The following CHD4 variants were observed in gnomAD, a reference collection of about 807,000 sequenced individuals.
CHD4 encodes ATP-dependent chromatin remodeler CHD4.
In CHD4, 35 loss-of-function variants were observed where a neutral mutation model predicts 235.5. The observed-to-expected ratio is 0.15, with a 90% CI of 0.11 to 0.20. The LOEUF (loss-of-function observed/expected upper bound fraction) is 0.20, where lower values mean the gene tolerates loss of function less well. Among genes scored for constraint, CHD4 ranks in the 10% least tolerant of loss-of-function variants. The pLI is 1.00. For missense variants in CHD4, 1,329 were observed against 2,432.3 expected (o/e 0.55, Z 9.54); for synonymous variants, 900 against 850.2 (o/e 1.06, Z -1.02).
At chr12:6,585,006 C>T (rs908007649) in intron 25 of CHD4, among the ~76,000 whole-genome samples, 4 of 152,098 alleles carry the variant, frequency 2.6e-5, no homozygotes, top group African/African-American at 9.7e-5. Context: ...AACAAAATCA[C>T]AGGTAAGCAT....
chr12:6,581,931 T>A (rs1948200356), intron 30 of CHD4, 117 bp from the exon 31 acceptor site: 7 of 1,297,636 alleles, frequency 5.4e-6, no homozygotes, highest in Non-Finnish European at 7.3e-6. Context: ...GCCTTCTGAG[T>A]AGCTGGGAAT....
At chr12:6,596,527 C>T (rs772169095) in intron 12 of CHD4, among the ~76,000 whole-genome samples, 109 of 152,072 alleles carry the variant, frequency 7.2e-4, no homozygotes, top group Non-Finnish European at 1.4e-3. Flanking sequence ...AGGCCGGGCG[C>T]GGTGGCTCAC....
intron 38 of CHD4, among the ~76,000 whole-genome samples, chr12:6,572,427 GAAAA>G (rs553252360): frequency 1.0e-5 from 1 of 97,612 alleles, no homozygotes. Context: ...CTCTATCTCA[GAAAA>G]AAAAAAAAAA....
intron 35 of CHD4, 37 bp downstream of exon 35, chr12:6,578,372 G>A (rs1948109166): frequency 6.2e-7 from 1 of 1,600,356 alleles, no homozygotes; most frequent in East Asian, 2.2e-5. Flanking sequence ...TTTCACATCA[G>A]ATCCTTCTAA....
intron 33 of CHD4, chr12:6,580,260 T>A (rs1293937928): frequency 6.7e-6 from 1 of 150,148 alleles, no homozygotes; most frequent in Non-Finnish European, 1.5e-5. Flanking sequence ...CAACAACAAA[T>A]AAAGTCATAA....
intron 32 of CHD4, 41 bp downstream of exon 32, chr12:6,581,250 C>A: frequency 1.2e-6 from 2 of 1,613,520 alleles, no homozygotes; most frequent in Non-Finnish European, 1.7e-6. Flanking sequence ...TGGACTTACA[C>A]ATTTGTCTTT....
intron 31 of CHD4, 32 bp downstream of exon 31, chr12:6,581,617 G>A: frequency 1.9e-6 from 3 of 1,614,062 alleles, no homozygotes; most frequent in South Asian, 2.2e-5. Flanking sequence ...CAAAAAGAGA[G>A]GGACAGAAAA....
chr12:6,580,317 G>A (rs1007552957), intron 33 of CHD4: 16 of 152,210 alleles, frequency 1.1e-4, no homozygotes, highest in African/African-American at 3.9e-4. Context: ...AATCAAGGGT[G>A]CAGGATTCTT....
intron 34 of CHD4, 77 bp downstream of exon 34, chr12:6,578,769 G>A (rs2136197316): frequency 6.9e-7 from 1 of 1,455,030 alleles, no homozygotes; most frequent in Non-Finnish European, 9.6e-7. Context: ...GTATGGACAG[G>A]GAGGCAGGGC....
In CHD4 at chr12:6,592,708, G is replaced by A. The variant is rs1265651561; in HGVS notation, c.2762C>T (p.Pro921Leu). Residue 921 changes from proline (P) to leucine (L), a missense_variant, in exon 18 of 40, where the codon CCC (proline) becomes CTC (leucine). This residue lies in a region of CHD4 where 23 missense variants were observed against 130.0 expected (regional missense o/e 0.18). Transcript: ENST00000544040. ...AACACATACTTACTGGAACCTCTCG[G>A]GGGTGAGAAAGTTGAGCAGATGAAA... ...ELFHLLNFLT[P>L]ERFHNLEGFL... 1 of 1,614,016 alleles carries A rather than the reference G, an allele frequency of 6.2e-7. No homozygotes were observed. Among genetic ancestry groups the A allele is most frequent in the South Asian group, 1.1e-5 (1 of 91,060 alleles).
Position 6,581,565 on chromosome 12 carries a change from C to CT in CHD4, c.4681+83dup, listed in dbSNP as rs748476720. 6.3e-6 allele frequency: 10 copies of CT among 1,592,302 alleles called. No homozygotes were observed. The East Asian group carries it at 2.0e-4, about 32-fold the overall frequency. ...TTGCTGTGTGTCCTGCCAGACTACC[C>CT]TGTTAGAACTGAGCACAGGGGAGCA... is the stretch of plus-strand genomic sequence containing the variant. On this transcript the variant is annotated intron_variant, in intron 31 of 39. Coordinates refer to ENST00000544040, the MANE Select transcript of CHD4 (RefSeq NM_001273.5).
chr12:6,571,337 CATTATA>C (rs1437817881), intron 38 of CHD4: 1 of 312,060 alleles, frequency 3.2e-6, no homozygotes, highest in Non-Finnish European at 5.9e-6. Context: ...TCCCCACCTC[CATTATA>C]ACAGCATTCT....
At chr12:6,572,107 CAA>C (rs1400139871) in intron 38 of CHD4, among the ~76,000 whole-genome samples, 1 of 150,112 alleles carries the variant, frequency 6.7e-6, no homozygotes, top group African/African-American at 2.5e-5. Context: ...GCCTGGGCAA[CAA>C]GAGCAAAATT....
chr12:6,577,168 C>T (rs1409611922), intron 37 of CHD4, among the ~76,000 whole-genome samples: 1 of 152,156 alleles, frequency 6.6e-6, no homozygotes, highest in African/African-American at 2.4e-5. Flanking sequence ...CCTATAATCC[C>T]AGCAATCTGG....
intron 22 of CHD4, 75 bp from the exon 23 acceptor site, chr12:6,588,497 G>A: frequency 1.9e-6 from 3 of 1,545,288 alleles, no homozygotes; most frequent in Non-Finnish European, 2.6e-6. Context: ...AAAAAATTAA[G>A]CCGGGGGCAG....
Position 6,593,360 on chromosome 12 carries a change from A to C in CHD4, c.2514+56T>G. Reference sequence around the variant, plus strand: ...CCAGGGACCAGATCACAAGGAGGTAAACTAAGCCAGAAGCCACAACTCTTT... The same window carrying C: ...CCAGGGACCAGATCACAAGGAGGTACACTAAGCCAGAAGCCACAACTCTTT... On this transcript the variant is annotated intron_variant, in intron 16 of 39. Coordinates refer to ENST00000544040, the MANE Select transcript of CHD4 (RefSeq NM_001273.5). This position sits in a 1 kb window ranked among gnomAD's most constrained non-coding sequence, Gnocchi z 4.9. 1.9e-6 allele frequency: 3 copies of C among 1,604,642 alleles called. No individual in the cohort carries two copies. The highest frequency in any genetic ancestry group is 1.7e-6 in the Non-Finnish European group (2 of 1,172,684).
intron 25 of CHD4, chr12:6,583,814 T>G (rs921666367): frequency 6.4e-6 from 1 of 155,146 alleles, no homozygotes; most frequent in Non-Finnish European, 1.4e-5. Context: ...CTTCATAAAC[T>G]TCATAAAAGC....
At chr12:6,588,041 G>A in intron 23 of CHD4, 92 bp from the exon 24 acceptor site, 1 of 1,357,482 alleles carries the variant, frequency 7.4e-7, no homozygotes, top group Non-Finnish European at 1.0e-6. Context: ...TTCAGTACAA[G>A]GCAAGGTCCA....
intron 12 of CHD4, among the ~76,000 whole-genome samples, chr12:6,597,183 G>A (rs1436286933): frequency 2.0e-5 from 3 of 149,532 alleles, no homozygotes; most frequent in Non-Finnish European, 3.0e-5. Flanking sequence ...GGCTGAGGCA[G>A]GAAAATGGCG....
Sources: allele counts gnomAD v4.1 joint callset (sites outside exome capture counted in the v4.1 genomes callset), GRCh38; gene constraint gnomAD v4.1.1; regional missense constraint gnomAD v4.1.1; non-coding constraint Gnocchi (gnomAD v3.1); transcripts MANE v1.5; gene names NCBI Gene and HGNC (gene_info 2026-07-23, HGNC 2026-07-21).